The following LRTM2 variants were observed in gnomAD, a reference collection of about 807,000 sequenced individuals.
The protein encoded by LRTM2 is leucine rich repeat transmembrane protein 2.
A neutral mutation model predicts 28.1 loss-of-function variants in LRTM2; 18 were observed. The observed-to-expected ratio is 0.64, with a 90% CI of 0.44 to 0.95. The LOEUF is 0.95. Ranked by LOEUF, LRTM2 falls within the 40% of genes least tolerant of loss-of-function variation. LRTM2 has a pLI of 0.00. For synonymous variants in LRTM2, 250 were observed against 218.7 expected (o/e 1.14, Z -1.26); for missense variants, 436 against 497.2 (o/e 0.88, Z 1.17).
chr12:1,831,695 A>G (rs1326674038), intron 4 of LRTM2, among the ~76,000 whole-genome samples, 170 bp downstream of exon 4: 1 of 151,948 alleles, frequency 6.6e-6, no homozygotes, highest in Non-Finnish European at 1.5e-5. Flanking sequence ...CTCCCCTCAC[A>G]TGAGCCATCA....
rs1230855937 is a variant in LRTM2, at chr12:1,833,884, C to T, written c.659-383C>T. On this transcript the variant is annotated intron_variant, in intron 4 of 4. Transcript: ENST00000299194. This position sits in a 1 kb window ranked among gnomAD's most constrained non-coding sequence, Gnocchi z 4.2. ...GGGCAGAGAGTGTGGCAGGGACGCT[C>T]AGCTCTCTAATGACAGCCCTTTCCT... is the stretch of plus-strand genomic sequence containing the variant. 6.6e-6 allele frequency among the ~76,000 whole-genome samples: 1 copy of T among 152,180 alleles called. No homozygotes were observed. The highest frequency in any genetic ancestry group is 1.9e-4 in the East Asian group (1 of 5,184).
chr12:1,831,311 C>T lies in LRTM2; in HGVS notation c.444C>T (p.Ser148=). 1.9e-6 allele frequency: 3 copies of T among 1,613,816 alleles called. No homozygotes were observed. The highest frequency in any genetic ancestry group is 2.5e-6 in the Non-Finnish European group (3 of 1,180,036). Residue 148 remains serine (S), a synonymous_variant, in exon 4 of 5, where the codon TCC becomes TCT. Transcript: ENST00000299194. The part of the protein sequence containing the change: ...HSPLLRHLDL[S]INGLAQLPPG... ...CGCTGCTCCGCCACCTGGACCTGTC[C>T]ATCAACGGCCTGGCCCAGTTGCCCC...
chr12:1,821,091 T>C (rs1303964610), intron 1 of LRTM2, among the ~76,000 whole-genome samples: 2 of 152,098 alleles, frequency 1.3e-5, no homozygotes, highest in Non-Finnish European at 2.9e-5. Context: ...TGGCGCCAGA[T>C]GACAGTCCCG....
At position 1,834,906 on chromosome 12, in the gene LRTM2, T is replaced by C; in HGVS notation, c.*185T>C. On this transcript the variant is annotated 3_prime_UTR_variant, in exon 5 of 5. Transcript: ENST00000299194. The surrounding 1 kb of genome is among the most constrained non-coding windows in gnomAD (Gnocchi z 7.6). ...TTTCGAGGCTCCCTGAAAGCCACCGTGCTGGGGGCTCCTGCTGATGCTCCT... is the reference window on the plus strand; with the variant it reads ...TTTCGAGGCTCCCTGAAAGCCACCGCGCTGGGGGCTCCTGCTGATGCTCCT... The C allele has an allele frequency of 8.8e-7, 1 of 1,130,070 alleles. No individual in the cohort carries two copies. Among genetic ancestry groups the C allele is most frequent in the African/African-American group, 1.6e-5 (1 of 64,034 alleles). The allele number at this position is 1,130,070 out of a possible 1,614,324, so 70.0% of individuals were successfully genotyped here.
At position 1,834,257 on chromosome 12, in the gene LRTM2, C is replaced by T. The variant is rs1257835464; in HGVS notation, c.659-10C>T. Reference sequence around the variant, plus strand: ...CCTGGTCAGCCCCTCTTTTTCTCTTCTGCATGTAGGGGGACGCTTGGACCA... The same window carrying T: ...CCTGGTCAGCCCCTCTTTTTCTCTTTTGCATGTAGGGGGACGCTTGGACCA... On this transcript the variant is annotated splice_polypyrimidine_tract_variant and intron_variant, in intron 4 of 4. Coordinates refer to ENST00000299194, the MANE Select transcript of LRTM2 (RefSeq NM_001039029.3). The surrounding 1 kb of genome is among the most constrained non-coding windows in gnomAD (Gnocchi z 7.6). The T allele has an allele frequency of 3.2e-6, 5 of 1,539,792 alleles. No homozygotes were observed. The highest frequency in any genetic ancestry group is 2.5e-5 in the South Asian group (2 of 79,316).
chr12:1,828,110 C>T lies in LRTM2; in HGVS notation c.-39C>T, dbSNP rs1329642066. 2 of 1,498,252 alleles carry T rather than the reference C, an allele frequency of 1.3e-6. No homozygotes were observed. Among genetic ancestry groups the T allele is most frequent in the South Asian group, 2.6e-5 (2 of 77,362 alleles). 92.8% of individuals were successfully genotyped at this position (1,498,252 alleles called of 1,614,324 possible). On this transcript the variant is annotated 5_prime_UTR_variant, in exon 3 of 5. Transcript: ENST00000299194. The surrounding 1 kb of genome is among the most constrained non-coding windows in gnomAD (Gnocchi z 4.2). ...GCGGCGCACCCAGGGGCTCCTCTCT[C>T]CCCAGAGCGACAGGGCCCGGAGAGC...
At position 1,831,003 on chromosome 12, in the gene LRTM2, G is replaced by A; in HGVS notation, c.136G>A (p.Asp46Asn). 6.2e-7 allele frequency: 1 copy of A among 1,614,120 alleles called. No individual in the cohort carries two copies. The highest frequency in any genetic ancestry group is 1.1e-5 in the South Asian group (1 of 91,078). ...LPTCPFSCKC[D>N]SRSLEVDCSG... ...CACCTGCCCTTTCTCCTGCAAGTGTGACAGCCGCAGCCTGGAGGTGGACTG... is the reference window on the plus strand; with the variant it reads ...CACCTGCCCTTTCTCCTGCAAGTGTAACAGCCGCAGCCTGGAGGTGGACTG... The change falls in exon 4 of 5, where the codon GAC (aspartate) becomes AAC (asparagine). Residue 46 changes from aspartate to asparagine, a missense_variant. Coordinates refer to ENST00000299194, the MANE Select transcript of LRTM2 (RefSeq NM_001039029.3).
intron 1 of LRTM2, among the ~76,000 whole-genome samples, chr12:1,823,896 G>A (rs189831918): frequency 1.9e-4 from 29 of 152,308 alleles, no homozygotes; most frequent in Admixed American, 5.9e-4. Context: ...TGCCTTTCCT[G>A]TACAAGTAAC....
In LRTM2 at chr12:1,828,228, C is replaced by T; in HGVS notation, c.67+13C>T. ...AGGCAAGTCTCCTGTGAGTACACCC[C>T]TGGCCTCGGAGGGGGGTGCGGGTTG... is the stretch of plus-strand genomic sequence containing the variant. On this transcript the variant is annotated intron_variant, in intron 3 of 4. Coordinates refer to ENST00000299194, the MANE Select transcript of LRTM2 (RefSeq NM_001039029.3). This position sits in a 1 kb window ranked among gnomAD's most constrained non-coding sequence, Gnocchi z 4.2. 6.5e-7 allele frequency: 1 copy of T among 1,537,276 alleles called. No individual in the cohort carries two copies. Among genetic ancestry groups the T allele is most frequent in the South Asian group, 1.2e-5 (1 of 82,754 alleles).
rs1864498458 is a variant in LRTM2 at position 1,829,046 on chromosome 12, C to G, written c.67+831C>G. Among the ~76,000 whole-genome samples the G allele has an allele frequency of 6.6e-6, 1 of 152,250 alleles. No homozygotes were observed. ...TGAATTATTCACCATGTGAGAGAGGCTGGCCCCTGAGTGACTCAGATCTCC... is the reference window on the plus strand; with the variant it reads ...TGAATTATTCACCATGTGAGAGAGGGTGGCCCCTGAGTGACTCAGATCTCC... On this transcript the variant is annotated intron_variant, in intron 3 of 4. Transcript: ENST00000299194. The surrounding 1 kb of genome is among the most constrained non-coding windows in gnomAD (Gnocchi z 4.2).
chr12:1,827,891 C>T, intron 2 of LRTM2, 185 bp from the exon 3 acceptor site: 1 of 398,358 alleles, frequency 2.5e-6, no homozygotes, highest in Non-Finnish European at 4.4e-6. Context: ...GAAGCCTGCC[C>T]CGCCCCCATC....
Position 1,831,491 on chromosome 12 carries a change from G to A in LRTM2, c.624G>A (p.Glu208=), listed in dbSNP as rs1864628628. The A allele has an allele frequency of 6.2e-7, 1 of 1,613,664 alleles. No individual in the cohort carries two copies. Among genetic ancestry groups the A allele is most frequent in the Non-Finnish European group, 8.5e-7 (1 of 1,179,984 alleles). The stretch of plus-strand genomic sequence containing the variant: ...GGGAGTGTGACTGTAACCTGCGTGA[G>A]TTCAAACACTGGATGGAGTGGTTCT... ...NPWECDCNLR[E]FKHWMEWFSY... is the part of the protein sequence containing the mutation. The change falls in exon 4 of 5, where the codon GAG becomes GAA. Residue 208 remains glutamate, a synonymous_variant. Transcript: ENST00000299194.
Position 1,829,389 on chromosome 12 carries a change from G to A in LRTM2, c.67+1174G>A, listed in dbSNP as rs1483356475. On this transcript the variant is annotated intron_variant, in intron 3 of 4. Transcript: ENST00000299194. This position sits in a 1 kb window ranked among gnomAD's most constrained non-coding sequence, Gnocchi z 4.2. Reference sequence around the variant, plus strand: ...GCTGATCTGGTAGCAGACGGGCTCAGAGGGGTGAGAGGGTGAGCGGAGACA... The same window carrying A: ...GCTGATCTGGTAGCAGACGGGCTCAAAGGGGTGAGAGGGTGAGCGGAGACA... 1.3e-5 allele frequency among the ~76,000 whole-genome samples: 2 copies of A among 152,302 alleles called. No individual in the cohort carries two copies. The highest frequency in any genetic ancestry group is 2.1e-4 in the South Asian group (1 of 4,830).
intron 4 of LRTM2, 59 bp downstream of exon 4, chr12:1,831,584 C>G (rs1864633743): frequency 7.2e-7 from 1 of 1,396,914 alleles, no homozygotes; most frequent in South Asian, 1.3e-5. Context: ...TCTGGCCCCA[C>G]ACTTTCCTCC....
rs550535097 is a variant in LRTM2 at position 1,827,056 on chromosome 12, G to A, written c.-258-354G>A. On this transcript the variant is annotated intron_variant, in intron 1 of 4. Transcript: ENST00000299194. ...CAAGGAAGGTCAGAGGCTGGGAGCC[G>A]CCTGGAGCAGTGGGCTGACGCAGGG... is the stretch of plus-strand genomic sequence containing the variant. 7.9e-5 allele frequency among the ~76,000 whole-genome samples: 12 copies of A among 152,328 alleles called. No homozygotes were observed. The South Asian group carries it at 2.1e-3, about 26-fold the overall frequency.
At chr12:1,827,941 A>G in intron 2 of LRTM2, 135 bp from the exon 3 acceptor site, 3 of 416,530 alleles carry the variant, frequency 7.2e-6, no homozygotes, top group Non-Finnish European at 1.3e-5. Context: ...TTCTTCCCCC[A>G]CCCAGGGAAT....
At position 1,828,023 on chromosome 12, in the gene LRTM2, G is replaced by A. The variant is rs1488236750; in HGVS notation, c.-73-53G>A. The stretch of plus-strand genomic sequence containing the variant: ...CCCGGGCCCTCTCCCTAACCCCTGG[G>A]CTGGAACGGGGCTCCCGCGCCTGCC... On this transcript the variant is annotated intron_variant, in intron 2 of 4. Coordinates refer to ENST00000299194, the MANE Select transcript of LRTM2 (RefSeq NM_001039029.3). This position sits in a 1 kb window ranked among gnomAD's most constrained non-coding sequence, Gnocchi z 4.2. The A allele has an allele frequency of 3.8e-6, 3 of 796,278 alleles. No individual in the cohort carries two copies. Among genetic ancestry groups the A allele is most frequent in the Non-Finnish European group, 5.5e-6 (3 of 541,062 alleles). The allele number at this position is 796,278 out of a possible 1,614,324, so 49.3% of individuals were successfully genotyped here. A position where few individuals can be genotyped will look rare whatever the true frequency, so the allele number is the denominator to read the frequency against.
chr12:1,826,808 G>A (rs1188390638), intron 1 of LRTM2, among the ~76,000 whole-genome samples: 1 of 152,204 alleles, frequency 6.6e-6, no homozygotes, highest in African/African-American at 2.4e-5. Flanking sequence ...GAGAAGATGG[G>A]GGCAACAGGG....
Position 1,831,017 on chromosome 12 carries a change from G to A in LRTM2, c.150G>A (p.Leu50=). 6.2e-7 allele frequency: 1 copy of A among 1,614,136 alleles called. No individual in the cohort carries two copies. The highest frequency in any genetic ancestry group is 8.5e-7 in the Non-Finnish European group (1 of 1,180,038). Residue 50 remains leucine, a synonymous_variant, in exon 4 of 5, where the codon CTG becomes CTA. Transcript: ENST00000299194. ...CCTGCAAGTGTGACAGCCGCAGCCT[G>A]GAGGTGGACTGCAGTGGCCTTGGCC... ...PFSCKCDSRS[L]EVDCSGLGLT...
Sources: allele counts gnomAD v4.1 joint callset (sites outside exome capture counted in the v4.1 genomes callset), GRCh38; gene constraint gnomAD v4.1.1; non-coding constraint Gnocchi (gnomAD v3.1); transcripts MANE v1.5; gene names NCBI Gene and HGNC (gene_info 2026-07-23, HGNC 2026-07-21).